The following RERE variants were observed in gnomAD, a reference collection of about 807,000 sequenced individuals.
The protein encoded by RERE is arginine-glutamic acid dipeptide repeats.
RERE carries 40 observed loss-of-function variants against 146.1 expected under a neutral mutation model. The observed-to-expected ratio is 0.27, with a 90% confidence interval of 0.21 to 0.36. The LOEUF (loss-of-function observed/expected upper bound fraction) is 0.36, where lower values mean the gene tolerates loss of function less well. RERE is among the 10% of genes least tolerant of loss of function. The probability of loss-of-function intolerance (pLI) is 1.00; values close to 1 mark genes in which losing one functional copy is unlikely to be tolerated. For synonymous variants in RERE, 1,003 were observed against 866.0 expected, an observed-to-expected ratio of 1.16 and a Z score of -2.78; for missense variants, 1,933 against 2,138.7, an observed-to-expected ratio of 0.90 and a Z score of 1.90.
At chr1:8,390,775 T>C (rs946138245) in intron 12 of RERE, among the ~76,000 whole-genome samples, 2 of 152,148 alleles carry the variant, frequency 1.3e-5, no homozygotes, top group African/African-American at 4.8e-5. Context: ...TGATCTTCAC[T>C]TCTCCCTCCT....
At chr1:8,493,648 T>C (rs1477416414) in intron 10 of RERE, among the ~76,000 whole-genome samples, 1 of 152,140 alleles carries the variant, frequency 6.6e-6, no homozygotes, top group Non-Finnish European at 1.5e-5. Flanking sequence ...CGGATTCTCC[T>C]ATTTAGAAAC....
At chr1:8,417,352 G>C (rs776549350) in intron 12 of RERE, among the ~76,000 whole-genome samples, 1 of 152,190 alleles carries the variant, frequency 6.6e-6, no homozygotes, top group African/African-American at 2.4e-5. Context: ...CAGTAGTTAC[G>C]TACGTATTTA....
chr1:8,518,334 A>G (rs890294278), intron 7 of RERE, among the ~76,000 whole-genome samples: 1 of 152,100 alleles, frequency 6.6e-6, no homozygotes, highest in African/African-American at 2.4e-5. Context: ...TGGGACAGAA[A>G]AGGCTCAAGT....
intron 12 of RERE, among the ~76,000 whole-genome samples, chr1:8,383,293 G>T (rs896739552): frequency 1.3e-4 from 19 of 151,378 alleles, no homozygotes; most frequent in African/African-American, 4.4e-4. Flanking sequence ...CCCAGGTCCA[G>T]CTTCTCTCTT....
At chr1:8,359,031 G>A (rs1399310782) in intron 19 of RERE, 115 bp from the exon 20 acceptor site, 18 of 1,319,418 alleles carry the variant, frequency 1.4e-5, no homozygotes, top group Non-Finnish European at 1.7e-5. Flanking sequence ...AGGCCAACCT[G>A]GTCCCTCCAC....
intron 2 of RERE, among the ~76,000 whole-genome samples, chr1:8,629,001 A>C (rs1250312336): frequency 1.3e-5 from 2 of 152,234 alleles, no homozygotes; most frequent in Non-Finnish European, 2.9e-5. Flanking sequence ...GTGATCCACC[A>C]AATGCATAAT....
chr1:8,815,137 C>A (rs1641886317), intron 1 of RERE, among the ~76,000 whole-genome samples: 1 of 152,220 alleles, frequency 6.6e-6, no homozygotes, highest in African/African-American at 2.4e-5. Context: ...TGGGCCACAG[C>A]TGGGTTTATC....
intron 1 of RERE, among the ~76,000 whole-genome samples, chr1:8,683,295 T>A (rs1213147203): frequency 6.6e-6 from 1 of 152,006 alleles, no homozygotes; most frequent in Non-Finnish European, 1.5e-5. Flanking sequence ...TTAATCCCAC[T>A]CCTCCCTCCA....
intron 4 of RERE, among the ~76,000 whole-genome samples, chr1:8,604,611 AGGG>A (rs1646676490): frequency 2.1e-5 from 2 of 93,564 alleles, no homozygotes; most frequent in South Asian, 4.5e-4. Context: ...GGAGGGAGGG[AGGG>A]AGGGAGGGAG....
chr1:8,624,386 A>G lies in RERE; in HGVS notation c.326-6T>C. 1 of 1,600,774 alleles carries G rather than the reference A, an allele frequency of 6.2e-7. No individual in the cohort carries two copies. Among genetic ancestry groups the G allele is most frequent in the Non-Finnish European group, 8.5e-7 (1 of 1,170,110 alleles). Reference sequence around the variant, plus strand: ...ACTCTCGATATACACACAGTCTTTAAAAGAAAAAGAAATTTTAAAACAATG... The same window carrying G: ...ACTCTCGATATACACACAGTCTTTAGAAGAAAAAGAAATTTTAAAACAATG... On this transcript the variant is annotated splice_region_variant and splice_polypyrimidine_tract_variant and intron_variant, in intron 2 of 22. Transcript: ENST00000400908.
chr1:8,810,464 G>A (rs1641784618), intron 1 of RERE, among the ~76,000 whole-genome samples: 1 of 152,154 alleles, frequency 6.6e-6, no homozygotes, highest in South Asian at 2.1e-4. Flanking sequence ...AAATTAGCTA[G>A]GTGTGATGGT....
At chr1:8,382,184 C>A (rs542145599) in intron 12 of RERE, among the ~76,000 whole-genome samples, 7 of 152,380 alleles carry the variant, frequency 4.6e-5, no homozygotes, top group African/African-American at 1.7e-4. Flanking sequence ...ATTATGCCTG[C>A]AAGCTAGCCA....
intron 10 of RERE, among the ~76,000 whole-genome samples, chr1:8,483,623 AC>A (rs1280617591): frequency 6.6e-6 from 1 of 152,214 alleles, no homozygotes; most frequent in Non-Finnish European, 1.5e-5. Context: ...TCATTCAACA[AC>A]CATTTAGTAT....
chr1:8,365,875 T>A lies in RERE; in HGVS notation c.1384A>T (p.Ile462Phe). The stretch of plus-strand genomic sequence containing the variant: ...GGTGTGGACGCGGTGCGAGTCTTAA[T>A]CCTCCTGAACACGGCCTGCCTGCGG... ...RHRRQAVFRR[I>F]KTRTASTPVN... Residue 462 changes from isoleucine (I) to phenylalanine (F), a missense_variant, in exon 13 of 23, where the codon ATT becomes TTT. Physicochemically the swap from Ile to Phe is conservative, Grantham distance 21. Coordinates refer to ENST00000400908, the MANE Select transcript of RERE (RefSeq NM_001042681.2). 6.2e-7 allele frequency: 1 copy of A among 1,614,108 alleles called. No individual in the cohort carries two copies. The highest frequency in any genetic ancestry group is 8.5e-7 in the Non-Finnish European group (1 of 1,180,020).
intron 1 of RERE, among the ~76,000 whole-genome samples, chr1:8,720,227 C>A (rs1326862362): frequency 1.3e-5 from 2 of 150,628 alleles, no homozygotes; most frequent in Non-Finnish European, 3.0e-5. Context: ...GAGCCGAGAT[C>A]GCGCCACAGC....
rs1212845017 is a variant in RERE, at chr1:8,356,566, C to T, written c.4340-320G>A. ...TCAGCAGGGTCCCTCTCGCCGGCCACCTGGGCCTGCCCTCTGCCTGTCAGG... is the reference window on the plus strand; with the variant it reads ...TCAGCAGGGTCCCTCTCGCCGGCCATCTGGGCCTGCCCTCTGCCTGTCAGG... On this transcript the variant is annotated intron_variant, in intron 20 of 22. Coordinates refer to ENST00000400908, the MANE Select transcript of RERE (RefSeq NM_001042681.2). This position sits in a 1 kb window ranked among gnomAD's most constrained non-coding sequence, Gnocchi z 5.2. Among the ~76,000 whole-genome samples, 2 of 152,206 alleles carry T rather than the reference C, an allele frequency of 1.3e-5. No individual in the cohort carries two copies. The highest frequency in any genetic ancestry group is 1.5e-5 in the Non-Finnish European group (1 of 68,028).
chr1:8,759,620 G>T (rs1014289445), intron 1 of RERE, among the ~76,000 whole-genome samples: 1 of 152,134 alleles, frequency 6.6e-6, no homozygotes, highest in Non-Finnish European at 1.5e-5. Flanking sequence ...AAAATCTCAA[G>T]AGATATGGGT....
chr1:8,631,052 T>C (rs908220792), intron 2 of RERE, among the ~76,000 whole-genome samples: 1 of 152,240 alleles, frequency 6.6e-6, no homozygotes, highest in African/African-American at 2.4e-5. Context: ...CATCTGTCTT[T>C]ATCCTCATTG....
chr1:8,508,945 C>G (rs1156426015), intron 7 of RERE, among the ~76,000 whole-genome samples: 1 of 152,210 alleles, frequency 6.6e-6, no homozygotes, highest in East Asian at 1.9e-4. Context: ...GACAGAGTCT[C>G]ACTCTGTCGC....
Sources: gnomAD v4.1 joint callset for allele counts (sites outside exome capture counted in the v4.1 genomes callset) on GRCh38, gnomAD v4.1.1 for gene constraint, Gnocchi (gnomAD v3.1) non-coding constraint, MANE v1.5 for transcripts, NCBI Gene and HGNC (gene_info 2026-07-23, HGNC 2026-07-21) for gene names.